CCDC192: variants seen among roughly 807,000 people sequenced by gnomAD.
The protein encoded by CCDC192 is coiled-coil domain containing 192.
chr5:127,767,882 A>G (rs1755320950), intron 3 of CCDC192, among the ~76,000 whole-genome samples: 1 of 152,164 alleles, frequency 6.6e-6, no homozygotes, highest in African/African-American at 2.4e-5. Flanking sequence ...CCCCGCAATT[A>G]ATTTGTTGAA....
chr5:127,762,444 T>C (rs1754981725), intron 3 of CCDC192, among the ~76,000 whole-genome samples: 1 of 152,188 alleles, frequency 6.6e-6, no homozygotes, highest in Non-Finnish European at 1.5e-5. Flanking sequence ...ATCTTCATCT[T>C]GTTACTGGGT....
At chr5:127,861,033 A>C (rs971676741) in intron 5 of CCDC192, among the ~76,000 whole-genome samples, 1 of 151,840 alleles carries the variant, frequency 6.6e-6, no homozygotes, top group African/African-American at 2.4e-5. Flanking sequence ...TTGTGGACAG[A>C]GTTTTGCTCT....
At chr5:127,913,451 T>C (rs1463907512) in intron 6 of CCDC192, among the ~76,000 whole-genome samples, 1 of 152,150 alleles carries the variant, frequency 6.6e-6, no homozygotes. Flanking sequence ...AGAAAGAAAA[T>C]ATCCTGAGTA....
chr5:127,821,809 C>T (rs1749306933), intron 5 of CCDC192, among the ~76,000 whole-genome samples: 1 of 152,064 alleles, frequency 6.6e-6, no homozygotes, highest in Admixed American at 6.6e-5. Context: ...CCATAAAGAC[C>T]CTGAGATAGA....
At chr5:127,864,389 A>G (rs1364010404) in intron 5 of CCDC192, among the ~76,000 whole-genome samples, 1 of 152,348 alleles carries the variant, frequency 6.6e-6, no homozygotes, top group East Asian at 1.9e-4. Flanking sequence ...ATCTCCCAGA[A>G]ATGAGCATGT....
chr5:127,706,295 G>A (rs527965739), intron 1 of CCDC192, among the ~76,000 whole-genome samples: 4 of 152,190 alleles, frequency 2.6e-5, no homozygotes, highest in Non-Finnish European at 4.4e-5. Context: ...TTGGGAAGCC[G>A]AGGTGGGTGG....
At chr5:127,876,600 G>C (rs1291008263) in intron 6 of CCDC192, among the ~76,000 whole-genome samples, 1 of 152,134 alleles carries the variant, frequency 6.6e-6, no homozygotes, top group Non-Finnish European at 1.5e-5. Flanking sequence ...GCAAAGCTGT[G>C]GTTCCTGGGA....
intron 3 of CCDC192, among the ~76,000 whole-genome samples, chr5:127,778,076 A>G (rs1480953106): frequency 6.6e-5 from 10 of 152,154 alleles, no homozygotes; most frequent in Admixed American, 6.5e-4. Flanking sequence ...TCAAATACAG[A>G]TAGGTGAACT....
At chr5:127,786,628 T>C in intron 3 of CCDC192, 1 of 757,694 alleles carries the variant, frequency 1.3e-6, no homozygotes, top group South Asian at 1.4e-5. Context: ...CAGTGTCTAC[T>C]GAGGTAGGCA....
intron 2 of CCDC192, among the ~76,000 whole-genome samples, chr5:127,714,305 G>A (rs1464792895): frequency 6.6e-6 from 1 of 152,212 alleles, no homozygotes; most frequent in Non-Finnish European, 1.5e-5. Context: ...ACAAACATGA[G>A]TGTGCAGATA....
At chr5:127,782,296 T>C (rs1273320852) in intron 3 of CCDC192, among the ~76,000 whole-genome samples, 2 of 152,132 alleles carry the variant, frequency 1.3e-5, no homozygotes, top group Non-Finnish European at 2.9e-5. Context: ...ATATGTCCTT[T>C]CCTGGTTTTG....
chr5:127,776,142 T>C (rs549818755), intron 3 of CCDC192, among the ~76,000 whole-genome samples: 16 of 152,164 alleles, frequency 1.1e-4, no homozygotes, highest in Non-Finnish European at 2.1e-4. Context: ...GAGAAGAAGA[T>C]AGGAAAATGT....
chr5:127,795,324 A>G (rs1456552986), intron 3 of CCDC192, among the ~76,000 whole-genome samples: 2 of 151,058 alleles, frequency 1.3e-5, no homozygotes, highest in Non-Finnish European at 3.0e-5. Context: ...TTTGGTAAAT[A>G]TTTAGATAAA....
chr5:127,843,922 A>T (rs1750414962), intron 5 of CCDC192, among the ~76,000 whole-genome samples: 1 of 152,232 alleles, frequency 6.6e-6, no homozygotes, highest in Non-Finnish European at 1.5e-5. Context: ...ACCATATTCT[A>T]GTTTAACTGT....
intron 5 of CCDC192, among the ~76,000 whole-genome samples, chr5:127,849,708 C>G (rs1488598891): frequency 6.6e-6 from 1 of 152,190 alleles, no homozygotes; most frequent in Non-Finnish European, 1.5e-5. Context: ...GAGAGAGATA[C>G]AAGACCAAGG....
intron 3 of CCDC192, among the ~76,000 whole-genome samples, chr5:127,768,003 C>T (rs1177381509): frequency 2.0e-5 from 3 of 152,076 alleles, no homozygotes; most frequent in African/African-American, 7.2e-5. Flanking sequence ...CCTGTAATCC[C>T]AGCACTTTGG....
intron 5 of CCDC192, among the ~76,000 whole-genome samples, chr5:127,805,643 A>G (rs1201431489): frequency 3.3e-5 from 5 of 152,190 alleles, no homozygotes; most frequent in Non-Finnish European, 5.9e-5. Context: ...ATGTACATTA[A>G]TCTAAATGGA....
intron 2 of CCDC192, among the ~76,000 whole-genome samples, chr5:127,718,141 A>C (rs145765902): frequency 1.1e-3 from 170 of 152,276 alleles, no homozygotes; most frequent in African/African-American, 4.0e-3. Context: ...CTTCACAAAC[A>C]ACTGGGCAAG....
intron 5 of CCDC192, among the ~76,000 whole-genome samples, chr5:127,821,027 A>G (rs1231489684): frequency 6.6e-6 from 1 of 152,104 alleles, no homozygotes; most frequent in African/African-American, 2.4e-5. Flanking sequence ...CACACACTAC[A>G]TGTACACACA....
Sources: allele counts gnomAD v4.1 joint callset (sites outside exome capture counted in the v4.1 genomes callset), GRCh38; gene constraint gnomAD v4.1.1; transcripts MANE v1.5; gene names NCBI Gene and HGNC (gene_info 2026-07-23, HGNC 2026-07-21).